The following GPAM variants were observed in gnomAD, a reference collection of about 807,000 sequenced individuals.
GPAM encodes glycerol-3-phosphate acyltransferase 1, mitochondrial.
A neutral mutation model predicts 105.0 loss-of-function variants in GPAM; 56 were observed. That is an observed-to-expected ratio of 0.53 (90% CI 0.43 to 0.67). The LOEUF is 0.67. GPAM is among the 30% of genes least tolerant of loss of function. GPAM has a pLI of 0.00. For missense variants in GPAM, 855 were observed against 989.8 expected (o/e 0.86, Z 1.83); for synonymous variants, 368 against 354.4 (o/e 1.04, Z -0.43).
chr10:112,182,136 T>C (rs1227129804), intron 2 of GPAM, among the ~76,000 whole-genome samples: 1 of 152,088 alleles, frequency 6.6e-6, no homozygotes, highest in Non-Finnish European at 1.5e-5. Context: ...GCAAACAAAA[T>C]AGTATCCAAA....
rs933161984 is a variant in GPAM at position 112,168,352 on chromosome 10, T to C, written c.1067A>G (p.Tyr356Cys). Reference protein sequence around the residue: ...DILIIPVGISYDRIIEGHYNG... With the variant: ...DILIIPVGISCDRIIEGHYNG... Reference sequence around the variant, plus strand: ...GTAGTGACCTTCGATAATGCGATCATAGGAGATTCCAACAGGTATTATCAA... The same window carrying C: ...GTAGTGACCTTCGATAATGCGATCACAGGAGATTCCAACAGGTATTATCAA... Residue 356 changes from tyrosine (Y) to cysteine (C), a missense_variant, in exon 11 of 22, where the codon TAT becomes TGT. Transcript: ENST00000348367. 2 of 1,609,384 alleles carry C rather than the reference T, an allele frequency of 1.2e-6. No homozygotes were observed. Among genetic ancestry groups the C allele is most frequent in the South Asian group, 1.1e-5 (1 of 90,986 alleles).
At chr10:112,169,793 A>G (rs1047802842) in intron 9 of GPAM, among the ~76,000 whole-genome samples, 10 of 152,184 alleles carry the variant, frequency 6.6e-5, no homozygotes, top group Non-Finnish European at 5.9e-5. Flanking sequence ...AGCTTCATCT[A>G]TATTTACAGC....
Position 112,182,132 on chromosome 10 carries a change from A to T in GPAM, c.-29-319T>A, listed in dbSNP as rs1847520572. ...TCCAAACAAAACATAGTATGCAAAC[A>T]AAATAGTATCCAAACAAAATAGCTA... is the stretch of plus-strand genomic sequence containing the variant. On this transcript the variant is annotated intron_variant, in intron 2 of 21. Transcript: ENST00000348367. Among the ~76,000 whole-genome samples the T allele has an allele frequency of 1.3e-5, 2 of 152,222 alleles. 1 individual carries two copies. Among genetic ancestry groups the T allele is most frequent in the South Asian group, 4.1e-4 (2 of 4,832 alleles).
intron 1 of GPAM, among the ~76,000 whole-genome samples, chr10:112,209,481 G>T (rs1445107262): frequency 1.3e-5 from 2 of 152,070 alleles, no homozygotes; most frequent in African/African-American, 4.8e-5. Context: ...AGTCAGAATT[G>T]CTGCTGCCCC....
chr10:112,181,242 T>C (rs1297662076), intron 3 of GPAM, among the ~76,000 whole-genome samples: 1 of 151,536 alleles, frequency 6.6e-6, no homozygotes, highest in Non-Finnish European at 1.5e-5. Context: ...TTAAAATACG[T>C]CATGTTATAT....
chr10:112,193,355 CAG>C (rs1300839607), intron 1 of GPAM, among the ~76,000 whole-genome samples: 1 of 152,178 alleles, frequency 6.6e-6, no homozygotes, highest in Non-Finnish European at 1.5e-5. Flanking sequence ...ACGTGAGAAA[CAG>C]GGAGATACCA....
At chr10:112,167,268 A>C (rs1847234419) in intron 11 of GPAM, among the ~76,000 whole-genome samples, 1 of 152,202 alleles carries the variant, frequency 6.6e-6, no homozygotes, top group Non-Finnish European at 1.5e-5. Context: ...CACAATAAAT[A>C]AGAACAAAAC....
chr10:112,153,416 T>C lies in GPAM; in HGVS notation c.*134A>G. Reference sequence around the variant, plus strand: ...ACAGATCCATGGAGGGAGAAGGCACTTGTCTTCCAGGAGATCACTTCGGGA... The same window carrying C: ...ACAGATCCATGGAGGGAGAAGGCACCTGTCTTCCAGGAGATCACTTCGGGA... On this transcript the variant is annotated 3_prime_UTR_variant, in exon 22 of 22. Transcript: ENST00000348367. 1 of 1,589,454 alleles carries C rather than the reference T, an allele frequency of 6.3e-7. No individual in the cohort carries two copies. Among genetic ancestry groups the C allele is most frequent in the Non-Finnish European group, 8.5e-7 (1 of 1,172,998 alleles).
chr10:112,215,576 T>A (rs1369275916), upstream of GPAM, among the ~76,000 whole-genome samples: 1 of 152,106 alleles, frequency 6.6e-6, no homozygotes, highest in South Asian at 2.1e-4. Context: ...GGTGTCTTCT[T>A]CGCATTGCCT....
Position 112,173,031 on chromosome 10 carries a change from CTGT to C in GPAM, c.593_595del (p.Asn198del). ...GTGAATTTGAATGTTCCAAAAGAAG[CTGT>C]TGAACAGTTTTAGCAGCACCCACCC... On this transcript the variant is annotated inframe_deletion, in exon 8 of 22. Coordinates refer to ENST00000348367, the MANE Select transcript of GPAM (RefSeq NM_001244949.2). 2.5e-6 allele frequency: 4 copies of C among 1,610,380 alleles called. No individual in the cohort carries two copies.
upstream of GPAM, among the ~76,000 whole-genome samples, chr10:112,185,792 C>CA (rs200413538): frequency 0.01 from 1,576 of 150,224 alleles, 21 homozygotes; most frequent in African/African-American, 0.033. Context: ...AACAAACAAA[C>CA]AAAAAAAAAC....
chr10:112,224,897 A>T, the GPAM span, among the ~76,000 whole-genome samples: 3,987 of 152,210 alleles, frequency 0.026, 174 homozygotes, highest in African/African-American at 0.091. Flanking sequence ...AGCCTCCAGG[A>T]TCACCTCTTT....
chr10:112,186,421 C>CA (rs564478757), upstream of GPAM, among the ~76,000 whole-genome samples: 1,007 of 143,158 alleles, frequency 7.0e-3, 7 homozygotes, highest in African/African-American at 0.024. Flanking sequence ...GTCTTTCAGG[C>CA]AAAAAAAAAA....
chr10:112,166,273 A>G (rs970042446), intron 12 of GPAM, 129 bp downstream of exon 12: 1 of 712,266 alleles, frequency 1.4e-6, no homozygotes, highest in African/African-American at 1.8e-5. Flanking sequence ...CCTTTATCAT[A>G]GTCCTCATTT....
chr10:112,197,698 T>C (rs1847741543), intron 1 of GPAM, among the ~76,000 whole-genome samples: 1 of 130,548 alleles, frequency 7.7e-6, no homozygotes, highest in African/African-American at 2.9e-5. Context: ...CCATGTGATC[T>C]CATTGTTCAA....
In GPAM at chr10:112,150,313, T is replaced by C. The variant is rs908519667; in HGVS notation, c.*3237A>G. 12 of 985,186 alleles carry C rather than the reference T, an allele frequency of 1.2e-5. No individual in the cohort carries two copies. In the South Asian group the frequency reaches 4.7e-4, roughly 39 times the overall value. The allele number at this position is 985,186 out of a possible 1,614,324, so 61.0% of individuals were successfully genotyped here. Reference sequence around the variant, plus strand: ...AACGTACAATACTTTCTTCTAGATCTGAATTAAAACCTTATTTACCCCAAT... The same window carrying C: ...AACGTACAATACTTTCTTCTAGATCCGAATTAAAACCTTATTTACCCCAAT... On this transcript the variant is annotated 3_prime_UTR_variant, in exon 22 of 22. Coordinates refer to ENST00000348367, the MANE Select transcript of GPAM (RefSeq NM_001244949.2).
intron 5 of GPAM, among the ~76,000 whole-genome samples, chr10:112,176,318 G>A (rs893483815): frequency 2.6e-5 from 4 of 152,156 alleles, no homozygotes; most frequent in Admixed American, 2.6e-4. Context: ...ACACCTGAGG[G>A]ATAGAACATA....
intron 6 of GPAM, among the ~76,000 whole-genome samples, chr10:112,174,148 C>T (rs903864773): frequency 9.9e-5 from 15 of 152,042 alleles, no homozygotes; most frequent in African/African-American, 3.6e-4. Context: ...CGAAATTGTA[C>T]TCTAGCAGAA....
chr10:112,175,683 A>G lies in GPAM; in HGVS notation c.330T>C (p.Ser110=). The part of the protein sequence containing the change: ...RHRGWLARRL[S]YVLFIQERDV... ...CTCGCTCTTGAATAAAAAGAACGTAAGAAAGGCGTCTTGCAAGCCATCCGC... is the reference window on the plus strand; with the variant it reads ...CTCGCTCTTGAATAAAAAGAACGTAGGAAAGGCGTCTTGCAAGCCATCCGC... Residue 110 remains serine (S), a synonymous_variant, in exon 6 of 22, where the codon TCT becomes TCC. Transcript: ENST00000348367. The G allele has an allele frequency of 1.9e-6, 3 of 1,612,998 alleles. No homozygotes were observed. Among genetic ancestry groups the G allele is most frequent in the Non-Finnish European group, 2.5e-6 (3 of 1,178,970 alleles).
Sources: allele counts gnomAD v4.1 joint callset (sites outside exome capture counted in the v4.1 genomes callset), GRCh38; gene constraint gnomAD v4.1.1; transcripts MANE v1.5; gene names NCBI Gene and HGNC (gene_info 2026-07-23, HGNC 2026-07-21).